Variants in DPY19L3 observed in about 807,000 individuals in gnomAD.
DPY19L3 encodes the protein protein C-mannosyl-transferase DPY19L3.
DPY19L3 carries 51 observed loss-of-function variants against 92.3 expected under a neutral mutation model. The observed-to-expected ratio is 0.55, with a 90% confidence interval of 0.44 to 0.70. The LOEUF (loss-of-function observed/expected upper bound fraction) is 0.70. Ranked by LOEUF, DPY19L3 falls within the 30% of genes least tolerant of loss-of-function variation. DPY19L3 has a pLI of 0.00. For missense variants in DPY19L3, 706 were observed against 855.9 expected (o/e 0.82, Z 2.18); for synonymous variants, 309 against 315.2 (o/e 0.98, Z 0.21).
At chr19:32,412,375 TA>T (rs1273987605) in intron 3 of DPY19L3, 287 of 4,950 alleles carry the variant, frequency 0.058, no homozygotes, top group African/African-American at 0.37. Context: ...TTTAATTTTA[TA>T]TATATATATA....
intron 3 of DPY19L3, among the ~76,000 whole-genome samples, chr19:32,413,534 T>C (rs1312380097): frequency 6.6e-6 from 1 of 152,032 alleles, no homozygotes; most frequent in Admixed American, 6.6e-5. Flanking sequence ...TGTGCCATGC[T>C]GGTGCGCTGC....
At chr19:32,417,238 C>G (rs1421008041) in intron 3 of DPY19L3, among the ~76,000 whole-genome samples, 1 of 152,114 alleles carries the variant, frequency 6.6e-6, no homozygotes, top group Non-Finnish European at 1.5e-5. Context: ...TGGGAGGGAC[C>G]CAGTGGGAGG....
At position 32,454,943 on chromosome 19, in the gene DPY19L3, A is replaced by G; in HGVS notation, c.992A>G (p.Asn331Ser). The G allele has an allele frequency of 6.4e-7, 1 of 1,550,488 alleles. No individual in the cohort carries two copies. Among genetic ancestry groups the G allele is most frequent in the Non-Finnish European group, 8.7e-7 (1 of 1,153,008 alleles). The change falls in exon 10 of 19, where the codon AAT becomes AGT. Residue 331 changes from asparagine to serine, a missense_variant. Coordinates refer to ENST00000392250, the MANE Select transcript of DPY19L3 (RefSeq NM_001172774.2). ...SVFIARKLQK[N>S]LKTGSFLNRL... ...CATAACTCTTTTAATTTCTAGAAAAATCTGAAAACTGGAAGCTTCCTTAAT... is the reference window on the plus strand; with the variant it reads ...CATAACTCTTTTAATTTCTAGAAAAGTCTGAAAACTGGAAGCTTCCTTAAT...
chr19:32,447,720 CATAGATAGATAGATAG>C (rs56116714), intron 8 of DPY19L3, among the ~76,000 whole-genome samples: 3,601 of 131,692 alleles, frequency 0.027, 97 homozygotes, highest in East Asian at 0.16. Context: ...CCGTCTCATT[CATAGATAGATAGATAG>C]ATAGATAGAT....
In DPY19L3 at chr19:32,411,368, T is replaced by C. The variant is rs1385299084; in HGVS notation, c.233T>C (p.Ile78Thr). 6.2e-7 allele frequency: 1 copy of C among 1,613,984 alleles called. No individual in the cohort carries two copies. Among genetic ancestry groups the C allele is most frequent in the Non-Finnish European group, 8.5e-7 (1 of 1,180,022 alleles). ...GAAAATGATTTATGGTTTTCTAATA[T>C]TAAGGTATGGAGTTTCTTTGACCAT... ...LHENDLWFSN[I>T]KEVEREISFR... The change falls in exon 3 of 19, where the codon ATT becomes ACT. Residue 78 changes from isoleucine to threonine, a missense_variant. Physicochemically the swap from Ile to Thr is moderately conservative, Grantham distance 89 (BLOSUM62 -1). Transcript: ENST00000392250.
At position 32,452,860 on chromosome 19, in the gene DPY19L3, A is replaced by AT. The variant is rs55722260; in HGVS notation, c.856-268dup. ...AGGCACGAGCCACCACGCCTAGCTA[A>AT]TTTTTTTTTTTTTTTTTGTATTTTT... On this transcript the variant is annotated intron_variant, in intron 8 of 18. Transcript: ENST00000392250. Among the ~76,000 whole-genome samples the AT allele has an allele frequency of 7.9e-3, 1,102 of 139,408 alleles. 13 individuals are homozygous for AT. The highest frequency in any genetic ancestry group is 0.017 in the African/African-American group (652 of 37,706). 91.5% of individuals were successfully genotyped at this position (139,408 alleles called of 152,430 possible).
chr19:32,446,405 G>GA (rs1969500851), intron 8 of DPY19L3, among the ~76,000 whole-genome samples: 1 of 152,110 alleles, frequency 6.6e-6, no homozygotes, highest in African/African-American at 2.4e-5. Context: ...AAAGGTAAAT[G>GA]ATCTAAATAT....
intron 15 of DPY19L3, among the ~76,000 whole-genome samples, 199 bp downstream of exon 15, chr19:32,464,983 G>A (rs548631819): frequency 6.6e-6 from 1 of 152,292 alleles, no homozygotes; most frequent in South Asian, 2.1e-4. Context: ...AAACATGATA[G>A]CGAAAACTAC....
chr19:32,463,767 A>G, intron 13 of DPY19L3, 102 bp from the exon 14 acceptor site: 1 of 1,047,100 alleles, frequency 9.6e-7, no homozygotes. Flanking sequence ...TTTAAGTAAG[A>G]TTTTGCCGTC....
At chr19:32,447,816 TTAGATAGATAGATAGATAGA>T (rs1555721981) in intron 8 of DPY19L3, among the ~76,000 whole-genome samples, 33 of 89,916 alleles carry the variant, frequency 3.7e-4, no homozygotes, top group African/African-American at 1.5e-3. Flanking sequence ...GATAGATAGA[TTAGATAGATAGATAGATAGA>T]TAGATAGATA....
intron 8 of DPY19L3, among the ~76,000 whole-genome samples, chr19:32,444,695 A>G (rs1303065332): frequency 6.6e-6 from 1 of 152,210 alleles, no homozygotes; most frequent in East Asian, 1.9e-4. Flanking sequence ...AAACTTTTGG[A>G]GACTAAAGAT....
chr19:32,454,873 C>T, intron 9 of DPY19L3, 66 bp from the exon 10 acceptor site: 1 of 1,037,238 alleles, frequency 9.6e-7, no homozygotes, highest in Non-Finnish European at 1.4e-6. Flanking sequence ...TAAGTAAGCT[C>T]ATCTTCAGTG....
At position 32,458,100 on chromosome 19, in the gene DPY19L3, A is replaced by C. The variant is rs755874128; in HGVS notation, c.1090A>C (p.Lys364Gln). ...LTLFLNNIIK[K>Q]ILNLKSDEHI... ...TTTTTGTTTTCTCTTTCCCCGATAG[A>C]AAATTCTTAACCTGAAGTCAGATGA... is the stretch of plus-strand genomic sequence containing the variant. The change falls in exon 11 of 19, where the codon AAA becomes CAA. Residue 364 changes from lysine to glutamine, a missense_variant and splice_region_variant. Coordinates refer to ENST00000392250, the MANE Select transcript of DPY19L3 (RefSeq NM_001172774.2). 1.2e-6 allele frequency: 2 copies of C among 1,609,500 alleles called. No homozygotes were observed. The highest frequency in any genetic ancestry group is 2.2e-5 in the South Asian group (2 of 89,492).
At chr19:32,419,239 C>T (rs1968481337) in intron 3 of DPY19L3, among the ~76,000 whole-genome samples, 1 of 150,846 alleles carries the variant, frequency 6.6e-6, no homozygotes, top group Non-Finnish European at 1.5e-5. Flanking sequence ...CGGCTCCCTG[C>T]AAGCTCCACC....
rs145035988 is a variant in DPY19L3 at position 32,438,606 on chromosome 19, C to A, written c.597-506C>A. On this transcript the variant is annotated intron_variant, in intron 6 of 18. Transcript: ENST00000392250. The stretch of plus-strand genomic sequence containing the variant: ...ACATAAGTGTATCATTTATTGAATG[C>A]CTAGTATGTGTGGGGATGGTGTACA... Among the ~76,000 whole-genome samples, 935 of 152,160 alleles carry A rather than the reference C, an allele frequency of 6.1e-3. 11 individuals are homozygous for A. The highest frequency in any genetic ancestry group is 0.022 in the African/African-American group (895 of 41,530).
Position 32,453,211 on chromosome 19 carries a change from TC to T in DPY19L3, c.924del (p.Met309Ter). On this transcript the variant is annotated frameshift_variant, in exon 9 of 19. Coordinates refer to ENST00000392250, the MANE Select transcript of DPY19L3 (RefSeq NM_001172774.2). LOFTEE classifies it high-confidence loss of function. ...LLVCILQFFN[S>X]MILGSLLISF... ...GGTCTGCATTCTTCAGTTTTTTAAT[TC>T]CATGATTCTTGGATCACTGCTTATC... is the stretch of plus-strand genomic sequence containing the variant. The T allele has an allele frequency of 1.2e-6, 2 of 1,614,096 alleles. No homozygotes were observed. The highest frequency in any genetic ancestry group is 1.7e-6 in the Non-Finnish European group (2 of 1,179,978).
intron 13 of DPY19L3, 79 bp downstream of exon 13, chr19:32,463,567 C>A: frequency 1.4e-6 from 2 of 1,459,620 alleles, no homozygotes; most frequent in South Asian, 1.3e-5. Context: ...TGGAAAGTGA[C>A]AATCATCTTC....
At chr19:32,482,040 T>C in intron 18 of DPY19L3, 39 bp from the exon 19 acceptor site, 1 of 1,597,646 alleles carries the variant, frequency 6.3e-7, no homozygotes, top group Non-Finnish European at 8.5e-7. Flanking sequence ...TAAATAGAAT[T>C]TTCCCCCCAA....
chr19:32,458,323 A>G, intron 11 of DPY19L3, 28 bp from the exon 12 acceptor site: 1 of 1,605,270 alleles, frequency 6.2e-7, no homozygotes, highest in Non-Finnish European at 8.5e-7. Context: ...TATTGAATTT[A>G]ATACTTTGCT....
Sources: gnomAD v4.1 joint callset for allele counts (sites outside exome capture counted in the v4.1 genomes callset) on GRCh38, gnomAD v4.1.1 for gene constraint, MANE v1.5 for transcripts, NCBI Gene and HGNC (gene_info 2026-07-23, HGNC 2026-07-21) for gene names.